Variants in LRRK2 observed in about 807,000 individuals in gnomAD.
LRRK2 encodes the protein leucine rich repeat kinase 2, also known as leucine-rich repeat serine/threonine-protein kinase 2.
Under a neutral mutation model 302.6 loss-of-function variants are expected in LRRK2, and 203 were observed. The ratio of observed to expected loss-of-function variants is 0.67; its 90% confidence interval spans 0.60 to 0.75. LRRK2 has a LOEUF of 0.75. Ranked by LOEUF, LRRK2 falls within the 30% of genes least tolerant of loss-of-function variation. The pLI is 0.00. For synonymous variants in LRRK2, 1,066 were observed against 1,031.9 expected, an observed-to-expected ratio of 1.03 and a Z score of -0.63; for missense variants, 2,830 against 2,951.0, an observed-to-expected ratio of 0.96 and a Z score of 0.95.
chr12:40,247,425 T>G (rs1044650707), intron 7 of LRRK2, among the ~76,000 whole-genome samples: 1 of 101,322 alleles, frequency 9.9e-6, no homozygotes, highest in Non-Finnish European at 2.5e-5. Context: ...TTCATATATA[T>G]GAATCTACTT....
At chr12:40,329,489 A>AT (rs1040282720) in intron 39 of LRRK2, among the ~76,000 whole-genome samples, 2 of 152,076 alleles carry the variant, frequency 1.3e-5, no homozygotes, top group African/African-American at 4.8e-5. Flanking sequence ...AATTGTTCAC[A>AT]TTTTGTCTAT....
intron 14 of LRRK2, among the ~76,000 whole-genome samples, chr12:40,272,475 G>A (rs996343559): frequency 2.0e-5 from 3 of 152,178 alleles, no homozygotes; most frequent in Non-Finnish European, 4.4e-5. Flanking sequence ...GTTTTGGGAG[G>A]ATTAAGTAGG....
At chr12:40,255,900 G>A (rs975738268) in intron 11 of LRRK2, among the ~76,000 whole-genome samples, 1 of 152,094 alleles carries the variant, frequency 6.6e-6, no homozygotes, top group African/African-American at 2.4e-5. Flanking sequence ...TCAGGCTCTG[G>A]CAGTATTTTA....
rs532610433 is a variant in LRRK2 at position 40,298,687 on chromosome 12, G to T, written c.3347+194G>T. On this transcript the variant is annotated intron_variant, in intron 24 of 50. Transcript: ENST00000298910. Reference sequence around the variant, plus strand: ...ACTCAGAGGCTGAGGCATGAGAATCGCTTGAACCCAGGAGGCGGAGGTCGC... The same window carrying T: ...ACTCAGAGGCTGAGGCATGAGAATCTCTTGAACCCAGGAGGCGGAGGTCGC... Among the ~76,000 whole-genome samples, 13 of 148,032 alleles carry T rather than the reference G, an allele frequency of 8.8e-5. 1 individual carries two copies. In the East Asian group the frequency reaches 2.6e-3, roughly 29 times the overall value.
At chr12:40,325,377 A>G (rs573321450) in intron 38 of LRRK2, among the ~76,000 whole-genome samples, 12 of 152,350 alleles carry the variant, frequency 7.9e-5, no homozygotes, top group Admixed American at 1.3e-4. Context: ...CCCATGTCCC[A>G]TAAATCCATA....
At position 40,295,443 on chromosome 12, in the gene LRRK2, A is replaced by G. The variant is rs1384482879; in HGVS notation, c.2895A>G (p.Gln965=). Residue 965 remains glutamine, a synonymous_variant, in exon 23 of 51, where the codon CAA becomes CAG. Transcript: ENST00000298910. ...SDDSLRSSKL[Q]SHMRHSDSIS... is the part of the protein sequence containing the mutation. ...TGACAAAAGGGTCATCAAAACTTCA[A>G]TCCCATATGAGGCATTCAGACAGCA... 1.2e-6 allele frequency: 2 copies of G among 1,612,918 alleles called. No homozygotes were observed. The highest frequency in any genetic ancestry group is 3.3e-5 in the Admixed American group (2 of 59,968).
intron 21 of LRRK2, 43 bp downstream of exon 21, chr12:40,293,706 C>A: frequency 7.6e-7 from 1 of 1,314,214 alleles, no homozygotes; most frequent in Non-Finnish European, 1.1e-6. Flanking sequence ...TGTTTTGCTG[C>A]TGACATTCTC....
chr12:40,327,923 T>A (rs1945600067), intron 38 of LRRK2, among the ~76,000 whole-genome samples: 1 of 152,150 alleles, frequency 6.6e-6, no homozygotes, highest in African/African-American at 2.4e-5. Flanking sequence ...ATCAGCTATA[T>A]GGAAGGTAGA....
chr12:40,356,705 TGA>T (rs1946550231), intron 46 of LRRK2, among the ~76,000 whole-genome samples: 1 of 152,202 alleles, frequency 6.6e-6, no homozygotes, highest in African/African-American at 2.4e-5. Context: ...TATTATCTGA[TGA>T]GAGACAGGGA....
intron 41 of LRRK2, among the ~76,000 whole-genome samples, chr12:40,343,823 G>A (rs1204345886): frequency 6.6e-6 from 1 of 152,076 alleles, no homozygotes; most frequent in African/African-American, 2.4e-5. Context: ...CTTAATAGTG[G>A]CATGATGTTC....
chr12:40,298,631 G>A (rs1229839997), intron 24 of LRRK2, 138 bp downstream of exon 24: 17 of 1,046,884 alleles, frequency 1.6e-5, no homozygotes, highest in Non-Finnish European at 1.8e-5. Flanking sequence ...AATTAGCCCA[G>A]CGTGGTGGTG....
intron 45 of LRRK2, 139 bp downstream of exon 45, chr12:40,354,631 T>G (rs1487792179): frequency 2.5e-6 from 2 of 793,722 alleles, no homozygotes; most frequent in African/African-American, 1.7e-5. Context: ...AAGGGAATTG[T>G]GGAAGGTCAC....
Position 40,283,857 on chromosome 12 carries a change from AT to A in LRRK2, c.2242-10del, listed in dbSNP as rs544911926. ...AAAATGTAGATTTTTAATATACTTA[AT>A]TTTTTTTCTTTAATAGGTATGTGAG... is the stretch of plus-strand genomic sequence containing the variant. On this transcript the variant is annotated splice_polypyrimidine_tract_variant and intron_variant, in intron 18 of 50. Coordinates refer to ENST00000298910, the MANE Select transcript of LRRK2 (RefSeq NM_198578.4). The A allele has an allele frequency of 8.8e-6, 14 of 1,599,384 alleles. 1 individual carries two copies. The East Asian group carries it at 1.6e-4, about 18-fold the overall frequency.
At position 40,310,504 on chromosome 12, in the gene LRRK2, C is replaced by A; in HGVS notation, c.4391C>A (p.Ala1464Asp). ...LDVSDEKQRK[A>D]CMSKITKELL... is the part of the protein sequence containing the mutation. The stretch of plus-strand genomic sequence containing the variant: ...GTTTCTGATGAGAAGCAACGCAAAG[C>A]CTGCATGAGTAAAATCACCAAGGAA... Residue 1464 changes from alanine (A) to aspartate (D), a missense_variant, in exon 31 of 51, where the codon GCC becomes GAC. By Grantham distance (126) the Ala-to-Asp change is moderately radical. Coordinates refer to ENST00000298910, the MANE Select transcript of LRRK2 (RefSeq NM_198578.4). 1.2e-6 allele frequency: 2 copies of A among 1,612,710 alleles called. No homozygotes were observed. Among genetic ancestry groups the A allele is most frequent in the Non-Finnish European group, 8.5e-7 (1 of 1,179,730 alleles).
intron 19 of LRRK2, among the ~76,000 whole-genome samples, chr12:40,286,011 G>C (rs1943913169): frequency 6.6e-6 from 1 of 151,942 alleles, no homozygotes; most frequent in Non-Finnish European, 1.5e-5. Flanking sequence ...CCAAAAACCT[G>C]CTTACTTTAA....
intron 14 of LRRK2, among the ~76,000 whole-genome samples, chr12:40,270,809 C>G (rs994117989): frequency 2.6e-5 from 4 of 151,982 alleles, no homozygotes; most frequent in Admixed American, 6.6e-5. Flanking sequence ...TACACGAATA[C>G]ATATACATGG....
chr12:40,291,817 A>C (rs921287722), intron 20 of LRRK2, among the ~76,000 whole-genome samples: 1 of 151,960 alleles, frequency 6.6e-6, no homozygotes, highest in Non-Finnish European at 1.5e-5. Flanking sequence ...GTTGTAATTG[A>C]GGATTTGTTG....
At position 40,259,485 on chromosome 12, in the gene LRRK2, C is replaced by A; in HGVS notation, c.1424C>A (p.Thr475Asn). 1 of 1,613,190 alleles carries A rather than the reference C, an allele frequency of 6.2e-7. No individual in the cohort carries two copies. Among genetic ancestry groups the A allele is most frequent in the Non-Finnish European group, 8.5e-7 (1 of 1,179,372 alleles). Reference sequence around the variant, plus strand: ...TGCCAATTTTATATCCCCAGCAACACTTCCCTGGATATAATGGCAGCAGTG... The same window carrying A: ...TGCCAATTTTATATCCCCAGCAACAATTCCCTGGATATAATGGCAGCAGTG... ...MLNHLFEGSN[T>N]SLDIMAAVVP... is the part of the protein sequence containing the mutation. The change falls in exon 13 of 51, where the codon ACT becomes AAT. Residue 475 changes from threonine (T) to asparagine (N), a missense_variant. By Grantham distance (65) the Thr-to-Asn change is moderately conservative (BLOSUM62 0). This residue lies in a region of LRRK2 where 2,121 missense variants were observed against 2,148.0 expected (regional missense o/e 0.99). Coordinates refer to ENST00000298910, the MANE Select transcript of LRRK2 (RefSeq NM_198578.4).
At chr12:40,239,842 A>C (rs748502834) in intron 5 of LRRK2, among the ~76,000 whole-genome samples, 2 of 152,166 alleles carry the variant, frequency 1.3e-5, no homozygotes, top group Non-Finnish European at 2.9e-5. Flanking sequence ...TTTCTAACAT[A>C]TTTCTGGCGC....
Sources: gnomAD v4.1 joint callset for allele counts (sites outside exome capture counted in the v4.1 genomes callset) on GRCh38, gnomAD v4.1.1 for gene constraint, gnomAD v4.1.1 regional missense constraint, MANE v1.5 for transcripts, NCBI Gene and HGNC (gene_info 2026-07-23, HGNC 2026-07-21) for gene names.